The following CCDC91 variants were observed in gnomAD, a reference collection of about 807,000 sequenced individuals.
The protein encoded by CCDC91 is coiled-coil domain-containing protein 91.
A neutral mutation model predicts 63.2 loss-of-function variants in CCDC91; 48 were observed. The observed-to-expected ratio is 0.76, with a 90% CI of 0.60 to 0.97. The LOEUF (loss-of-function observed/expected upper bound fraction) is 0.97, where lower values mean the gene tolerates loss of function less well. CCDC91 is among the 50% of genes least tolerant of loss of function. The pLI, the probability that CCDC91 is intolerant of heterozygous loss-of-function variation, is 0.00. For missense variants in CCDC91, 500 were observed against 494.6 expected, an observed-to-expected ratio of 1.01 and a Z score of -0.10; for synonymous variants, 167 against 165.8, an observed-to-expected ratio of 1.01 and a Z score of -0.06.
At chr12:28,496,406 G>A (rs1255082658) in intron 12 of CCDC91, among the ~76,000 whole-genome samples, 1 of 151,588 alleles carries the variant, frequency 6.6e-6, no homozygotes, top group Non-Finnish European at 1.5e-5. Context: ...GGTTAGTGGA[G>A]CCATAGGAGC....
chr12:28,401,515 A>G (rs1946621629), intron 8 of CCDC91, among the ~76,000 whole-genome samples: 2 of 152,180 alleles, frequency 1.3e-5, no homozygotes. Flanking sequence ...GAAACTTAAA[A>G]TCATGGCAGA....
At chr12:28,539,506 G>C (rs559681834) in intron 12 of CCDC91, among the ~76,000 whole-genome samples, 1 of 152,234 alleles carries the variant, frequency 6.6e-6, no homozygotes, top group African/African-American at 2.4e-5. Flanking sequence ...TTTGGTTACT[G>C]TAGCCTTGTA....
rs1200181998 is a variant in CCDC91 at position 28,550,159 on chromosome 12, C to T, written c.*986C>T. 1.3e-5 allele frequency: 2 copies of T among 152,168 alleles called. No homozygotes were observed. The highest frequency in any genetic ancestry group is 3.9e-4 in the East Asian group (2 of 5,188). The allele number at this position is 152,168 out of a possible 1,614,324, so 9.4% of individuals were successfully genotyped here. A position where few individuals can be genotyped will look rare whatever the true frequency, so the allele number is the denominator to read the frequency against. ...TTCTCAGTGTAATAAAAAGAGCTCC[C>T]AAACTTATTTGGTTGTTACTTTTTG... On this transcript the variant is annotated 3_prime_UTR_variant, in exon 13 of 13. Coordinates refer to ENST00000536442, the MANE Select transcript of CCDC91 (RefSeq NM_018318.5).
Position 28,482,369 on chromosome 12 carries a change from A to G in CCDC91, c.1102-1683A>G, listed in dbSNP as rs532462006. Among the ~76,000 whole-genome samples the G allele has an allele frequency of 1.7e-3, 265 of 152,018 alleles. 2 individuals carry two copies. The highest frequency in any genetic ancestry group is 5.7e-3 in the African/African-American group (238 of 41,544). On this transcript the variant is annotated intron_variant, in intron 11 of 12. Coordinates refer to ENST00000536442, the MANE Select transcript of CCDC91 (RefSeq NM_018318.5). ...ATGGAAACAACTTTGTACTCTATCA[A>G]TGGAACCAACATTTAATGTACTCAG...
intron 2 of CCDC91, among the ~76,000 whole-genome samples, chr12:28,258,608 C>A (rs1946611734): frequency 1.3e-5 from 2 of 151,918 alleles, no homozygotes; most frequent in African/African-American, 4.8e-5. Context: ...AAAATATGTT[C>A]ATTTTTCATA....
Position 28,526,157 on chromosome 12 carries a change from GT to G in CCDC91, c.1216-22893del, listed in dbSNP as rs576086540. Among the ~76,000 whole-genome samples, 385 of 142,128 alleles carry G rather than the reference GT, an allele frequency of 2.7e-3. 2 individuals are homozygous for G. Among genetic ancestry groups the G allele is most frequent in the East Asian group, 7.0e-3 (34 of 4,858 alleles). 93.2% of individuals were successfully genotyped at this position (142,128 alleles called of 152,430 possible). A position where few individuals can be genotyped will look rare whatever the true frequency, so the allele number is the denominator to read the frequency against. On this transcript the variant is annotated intron_variant, in intron 12 of 12. Coordinates refer to ENST00000536442, the MANE Select transcript of CCDC91 (RefSeq NM_018318.5). The stretch of plus-strand genomic sequence containing the variant: ...TGCTATTTGTTGCCTGTATACCTTG[GT>G]TTTTTTTTTTTTAATTGTATTTTTG...
chr12:28,527,435 C>T (rs2141557205), intron 12 of CCDC91, among the ~76,000 whole-genome samples: 1 of 152,352 alleles, frequency 6.6e-6, no homozygotes. Flanking sequence ...GTTGTCTGCA[C>T]AGAGTCCTGT....
At chr12:28,407,964 AT>A (rs752189980) in intron 8 of CCDC91, among the ~76,000 whole-genome samples, 1,795 of 127,164 alleles carry the variant, frequency 0.014, 20 homozygotes, top group Middle Eastern at 0.091. Flanking sequence ...ATATATATAT[AT>A]TTTTTTTATT....
Position 28,452,489 on chromosome 12 carries a change from A to G in CCDC91, c.936A>G (p.Glu312=), listed in dbSNP as rs1305795740. 1 of 1,558,894 alleles carries G rather than the reference A, an allele frequency of 6.4e-7. No individual in the cohort carries two copies. The highest frequency in any genetic ancestry group is 2.0e-5 in the Admixed American group (1 of 49,190). ...ALVSAAKLEK[E]AVKDAVLKVV... is the part of the protein sequence containing the mutation. ...TATTTATTTTGAAGCTTGAAAAAGA[A>G]GCAGTGAAGGATGCAGTTTTAAAAG... The change falls in exon 11 of 13, where the codon GAA becomes GAG. Residue 312 remains glutamate (E), a synonymous_variant. Transcript: ENST00000536442.
At chr12:28,335,816 CT>C (rs751659309) in intron 6 of CCDC91, among the ~76,000 whole-genome samples, 1 of 151,506 alleles carries the variant, frequency 6.6e-6, no homozygotes, top group Non-Finnish European at 1.5e-5. Flanking sequence ...TTATTTTTGT[CT>C]TTTTAGAGAT....
At chr12:28,451,379 T>C (rs1565994932) in intron 10 of CCDC91, among the ~76,000 whole-genome samples, 1 of 151,580 alleles carries the variant, frequency 6.6e-6, no homozygotes, top group Non-Finnish European at 1.5e-5. Context: ...AACATATATG[T>C]TTGATGTGAA....
intron 6 of CCDC91, 109 bp downstream of exon 6, chr12:28,307,858 G>A (rs2137115628): frequency 3.0e-6 from 2 of 665,338 alleles, no homozygotes; most frequent in Non-Finnish European, 5.3e-6. Context: ...TCAGATACTT[G>A]CTTAAATATA....
intron 8 of CCDC91, among the ~76,000 whole-genome samples, chr12:28,406,286 A>C (rs1380816844): frequency 6.6e-6 from 1 of 152,132 alleles, no homozygotes; most frequent in Non-Finnish European, 1.5e-5. Flanking sequence ...ATAAAAAAAA[A>C]AAAAAAATCC....
At chr12:28,243,391 A>G (rs1246018622) in intron 1 of CCDC91, among the ~76,000 whole-genome samples, 9 of 152,242 alleles carry the variant, frequency 5.9e-5, no homozygotes, top group Non-Finnish European at 1.2e-4. Flanking sequence ...TGAGAAAGTT[A>G]AACATGTTTA....
At chr12:28,478,105 G>A (rs1055464268) in intron 11 of CCDC91, among the ~76,000 whole-genome samples, 5 of 151,770 alleles carry the variant, frequency 3.3e-5, no homozygotes, top group African/African-American at 9.7e-5. Context: ...GAATTGGAAG[G>A]AACTACTTTA....
At chr12:28,459,006 A>G (rs1436700993) in intron 11 of CCDC91, among the ~76,000 whole-genome samples, 2 of 152,086 alleles carry the variant, frequency 1.3e-5, no homozygotes, top group South Asian at 2.1e-4. Flanking sequence ...TACATCTTTC[A>G]TTGACCTGGT....
chr12:28,414,441 T>G (rs573309081), intron 8 of CCDC91, among the ~76,000 whole-genome samples: 1 of 152,114 alleles, frequency 6.6e-6, no homozygotes. Context: ...ATGAGAATAT[T>G]CAAAAATATA....
chr12:28,304,386 AAAAAAAAAAAAAAAAG>A (rs1938444387), intron 3 of CCDC91, among the ~76,000 whole-genome samples: 1 of 34,428 alleles, frequency 2.9e-5, no homozygotes, highest in Admixed American at 3.6e-4. Context: ...AAAAAAAAAA[AAAAAAAAAAAAAAAAG>A]AAAAAAAAAA....
chr12:28,304,767 C>T (rs950542409), intron 3 of CCDC91: 19 of 578,456 alleles, frequency 3.3e-5, no homozygotes, highest in African/African-American at 1.2e-4. Flanking sequence ...AAAAGTGACT[C>T]ACTTTCCTTA....
Sources: gnomAD v4.1 joint callset for allele counts (sites outside exome capture counted in the v4.1 genomes callset) on GRCh38, gnomAD v4.1.1 for gene constraint, MANE v1.5 for transcripts, NCBI Gene and HGNC (gene_info 2026-07-23, HGNC 2026-07-21) for gene names.